Variants in CELF3 observed in about 807,000 individuals in gnomAD.
The protein encoded by CELF3 is CUGBP Elav-like family member 3, also known as CAG repeat domain.
Under a neutral mutation model 59.6 loss-of-function variants are expected in CELF3, and 26 were observed. That is an observed-to-expected ratio of 0.44 (90% CI 0.32 to 0.61). The LOEUF is 0.61. Ranked by LOEUF, CELF3 falls within the 20% of genes least tolerant of loss-of-function variation. The pLI is 0.06. For missense variants in CELF3, 387 were observed against 627.2 expected, an observed-to-expected ratio of 0.62 and a Z score of 4.09; for synonymous variants, 245 against 250.7, an observed-to-expected ratio of 0.98 and a Z score of 0.22.
chr1:151,700,509 C>T lies in CELF3; in HGVS notation c.*2950G>A, dbSNP rs1314695663. On this transcript the variant is annotated 3_prime_UTR_variant, in exon 13 of 13. Transcript: ENST00000290583. ...AGGAATGAAGTGGAAAGTAAGGCTT[C>T]GAAGAGCCTTGAATGCCAGGCTGAG... Among the ~76,000 whole-genome samples, 4 of 152,226 alleles carry T rather than the reference C, an allele frequency of 2.6e-5. No homozygotes were observed. The South Asian group carries it at 6.2e-4, about 24-fold the overall frequency.
intron 12 of CELF3, 83 bp from the exon 13 acceptor site, chr1:151,703,531 G>A (rs1043946156): frequency 9.0e-6 from 3 of 334,246 alleles, no homozygotes; most frequent in Non-Finnish European, 1.8e-5. Context: ...GAGGGGGCTG[G>A]GGTGAGTGAC....
rs758667992 is a variant in CELF3, at chr1:151,707,814, G to T, written c.608C>A (p.Ala203Asp). The change falls in exon 6 of 13, where the codon GCC becomes GAC. Residue 203 changes from alanine to aspartate, a missense_variant. Ala to Asp is a moderately radical substitution (Grantham distance 126). This residue lies in a region of CELF3 where 208 missense variants were observed against 354.8 expected (regional missense o/e 0.59). Coordinates refer to ENST00000290583, the MANE Select transcript of CELF3 (RefSeq NM_007185.7). ...CACGGCCTGGGTGTAGGCGCTGTAGGCTCCAAACTGGAGGGCGATGGGGCT... is the reference window on the plus strand; with the variant it reads ...CACGGCCTGGGTGTAGGCGCTGTAGTCTCCAAACTGGAGGGCGATGGGGCT... Reference protein sequence around the residue: ...MFSPIALQFGAYSAYTQALMQ... With the variant: ...MFSPIALQFGDYSAYTQALMQ... 2 of 1,613,736 alleles carry T rather than the reference G, an allele frequency of 1.2e-6. No individual in the cohort carries two copies. Among genetic ancestry groups the T allele is most frequent in the Non-Finnish European group, 1.7e-6 (2 of 1,179,698 alleles).
rs1268286316 is a variant in CELF3, at chr1:151,700,951, T to G, written c.*2508A>C. ...AATGTCTAATATTTGGGGCACTGTT[T>G]AGGGTGACCAGGATACAGTGCTGGA... is the stretch of plus-strand genomic sequence containing the variant. On this transcript the variant is annotated 3_prime_UTR_variant, in exon 13 of 13. Coordinates refer to ENST00000290583, the MANE Select transcript of CELF3 (RefSeq NM_007185.7). 6.6e-6 allele frequency: 1 copy of G among 152,210 alleles called. No homozygotes were observed. Among genetic ancestry groups the G allele is most frequent in the Non-Finnish European group, 1.5e-5 (1 of 68,040 alleles). The allele number at this position is 152,210 out of a possible 1,614,324, so 9.4% of individuals were successfully genotyped here.
intron 2 of CELF3, chr1:151,710,992 A>G (rs1174080312): frequency 2.7e-6 from 1 of 372,052 alleles, no homozygotes; most frequent in African/African-American, 2.1e-5. Flanking sequence ...ATGGTGGGGC[A>G]GTAGTTCCAG....
chr1:151,708,141 G>A, intron 5 of CELF3: 1 of 541,680 alleles, frequency 1.8e-6, no homozygotes, highest in Non-Finnish European at 3.2e-6. Context: ...AAGAAAAAAT[G>A]AGGAATGTGA....
chr1:151,710,976 C>T (rs1320158238), intron 2 of CELF3: 2 of 381,824 alleles, frequency 5.2e-6, no homozygotes, highest in Non-Finnish European at 1.0e-5. Flanking sequence ...TTGCCCCACT[C>T]ATCTGATGGT....
At chr1:151,715,378 C>T (rs1673391604) in intron 1 of CELF3, among the ~76,000 whole-genome samples, 1 of 152,128 alleles carries the variant, frequency 6.6e-6, no homozygotes, top group Non-Finnish European at 1.5e-5. Flanking sequence ...CCTTCATGCC[C>T]TGCTTCCTAG....
chr1:151,715,597 TCATC>T (rs1673411680), intron 1 of CELF3: 2 of 1,425,060 alleles, frequency 1.4e-6, no homozygotes, highest in Non-Finnish European at 1.9e-6. Context: ...TTTCTTGAGT[TCATC>T]CCATGACATC....
At position 151,709,104 on chromosome 1, in the gene CELF3, A is replaced by T. The variant is rs770188439; in HGVS notation, c.407-27T>A. 1.9e-6 allele frequency: 3 copies of T among 1,611,432 alleles called. No homozygotes were observed. The African/African-American group carries it at 4.0e-5, about 22-fold the overall frequency. ...TGGAGAGGTTGAGATGGAGGAGGAG[A>T]GGGGTAAGCACCCATCCCTGCGGGA... is the stretch of plus-strand genomic sequence containing the variant. On this transcript the variant is annotated intron_variant, in intron 4 of 12. Coordinates refer to ENST00000290583, the MANE Select transcript of CELF3 (RefSeq NM_007185.7). This position sits in a 1 kb window ranked among gnomAD's most constrained non-coding sequence, Gnocchi z 4.9.
chr1:151,710,362 T>G (rs1672911767), intron 2 of CELF3: 1 of 289,178 alleles, frequency 3.5e-6, no homozygotes, highest in Non-Finnish European at 6.9e-6. Context: ...AACGGGAGAA[T>G]GCGCACCATG....
chr1:151,704,930 T>C lies in CELF3; in HGVS notation c.*10+101A>G. On this transcript the variant is annotated intron_variant, in intron 12 of 12. Coordinates refer to ENST00000290583, the MANE Select transcript of CELF3 (RefSeq NM_007185.7). ...GGGTCAAGGGTGGGGTGGGCATCCC[T>C]GAGGGTGGTGGAGGACAGGGGTTGG... The C allele has an allele frequency of 3.0e-6, 4 of 1,333,666 alleles. No individual in the cohort carries two copies. In the African/African-American group the frequency reaches 4.4e-5, roughly 15 times the overall value. The allele number at this position is 1,333,666 out of a possible 1,614,324, so 82.6% of individuals were successfully genotyped here. A position where few individuals can be genotyped will look rare whatever the true frequency, so the allele number is the denominator to read the frequency against.
At chr1:151,714,950 C>T (rs373708132) in intron 1 of CELF3, among the ~76,000 whole-genome samples, 11 of 151,746 alleles carry the variant, frequency 7.2e-5, no homozygotes, top group East Asian at 5.8e-4. Context: ...ACCATGTGAC[C>T]GCCAGACAAG....
At chr1:151,713,348 A>C (rs559773499) in intron 2 of CELF3, 3 of 152,190 alleles carry the variant, frequency 2.0e-5, no homozygotes, top group African/African-American at 7.2e-5. Context: ...TAGGGTGGAC[A>C]CCTGCAGCTG....
chr1:151,713,155 G>T (rs2101477102), intron 2 of CELF3, among the ~76,000 whole-genome samples: 1 of 152,310 alleles, frequency 6.6e-6, no homozygotes, highest in South Asian at 2.1e-4. Context: ...TGGGACAAGG[G>T]CTAAAGTGGA....
Position 151,709,307 on chromosome 1 carries a change from T to G in CELF3, c.319A>C (p.Thr107Pro). 6.2e-7 allele frequency: 1 copy of G among 1,614,070 alleles called. No homozygotes were observed. The highest frequency in any genetic ancestry group is 8.5e-7 in the Non-Finnish European group (1 of 1,179,964). ...AACATCTTCCGGACGTCCTCATCTG[T>G]CTGCTGCTTCCCTAGCATCCCCACA... ...LFVGMLGKQQ[T>P]DEDVRKMFEP... Residue 107 changes from threonine (T) to proline (P), a missense_variant, in exon 4 of 13, where the codon ACA becomes CCA. Thr to Pro is a conservative substitution (Grantham distance 38). Transcript: ENST00000290583. This position sits in a 1 kb window ranked among gnomAD's most constrained non-coding sequence, Gnocchi z 4.9.
In CELF3 at chr1:151,705,777, C is replaced by T. The variant is rs766417038; in HGVS notation, c.1270+45G>A. ...TGCCTTCAAATATATTAGACCTTGT[C>T]CTGATTTGGAGTATGGCAAAAAATG... On this transcript the variant is annotated intron_variant, in intron 11 of 12. Coordinates refer to ENST00000290583, the MANE Select transcript of CELF3 (RefSeq NM_007185.7). The surrounding 1 kb of genome is among the most constrained non-coding windows in gnomAD (Gnocchi z 5.1). The T allele has an allele frequency of 6.9e-6, 11 of 1,601,454 alleles. No individual in the cohort carries two copies. In the South Asian group the frequency reaches 1.2e-4, roughly 18 times the overall value.
intron 2 of CELF3, among the ~76,000 whole-genome samples, chr1:151,712,936 C>G (rs930886726): frequency 6.6e-6 from 1 of 152,110 alleles, no homozygotes; most frequent in Non-Finnish European, 1.5e-5. Context: ...CACACACACA[C>G]TGCATGCACA....
At chr1:151,710,151 T>C (rs954040035) in intron 2 of CELF3, 7 of 282,980 alleles carry the variant, frequency 2.5e-5, no homozygotes, top group African/African-American at 1.5e-4. Context: ...ATTGCCTCAA[T>C]TCTACAAAGT....
chr1:151,714,296 T>C (rs1330319534), intron 2 of CELF3: 1 of 579,512 alleles, frequency 1.7e-6, no homozygotes, highest in East Asian at 2.8e-5. Flanking sequence ...CCCCACACCT[T>C]CCAACCAGCG....
Sources: allele counts gnomAD v4.1 joint callset (sites outside exome capture counted in the v4.1 genomes callset), GRCh38; gene constraint gnomAD v4.1.1; regional missense constraint gnomAD v4.1.1; non-coding constraint Gnocchi (gnomAD v3.1); transcripts MANE v1.5; gene names NCBI Gene and HGNC (gene_info 2026-07-23, HGNC 2026-07-21).